Variants in GRID2 observed in about 807,000 individuals in gnomAD.
GRID2 encodes the protein glutamate receptor ionotropic, delta-2.
A neutral mutation model predicts 114.8 loss-of-function variants in GRID2; 33 were observed. The ratio of observed to expected loss-of-function variants is 0.29; its 90% confidence interval spans 0.22 to 0.38. The LOEUF (loss-of-function observed/expected upper bound fraction) is 0.38. Ranked by LOEUF, GRID2 falls within the 10% of genes least tolerant of loss-of-function variation. The pLI, the probability that GRID2 is intolerant of heterozygous loss-of-function variation, is 1.00. For missense variants in GRID2, 1,184 were observed against 1,257.7 expected, an observed-to-expected ratio of 0.94 and a Z score of 0.89; for synonymous variants, 505 against 449.9, an observed-to-expected ratio of 1.12 and a Z score of -1.55.
chr4:93,501,077 G>C (rs1166477735), intron 12 of GRID2, among the ~76,000 whole-genome samples: 1 of 151,868 alleles, frequency 6.6e-6, no homozygotes, highest in African/African-American at 2.4e-5. Flanking sequence ...AGTACTTAGT[G>C]GGTTACAAGT....
chr4:92,466,567 C>A (rs1560649641), intron 1 of GRID2, among the ~76,000 whole-genome samples: 1 of 151,688 alleles, frequency 6.6e-6, no homozygotes, highest in East Asian at 1.9e-4. Context: ...TAAAAAAATT[C>A]TCTATCTATT....
chr4:92,761,132 G>A (rs1193520795), intron 2 of GRID2, among the ~76,000 whole-genome samples: 2 of 151,696 alleles, frequency 1.3e-5, no homozygotes, highest in African/African-American at 4.8e-5. Context: ...TAAGAAAAAG[G>A]TTTTCTGGGA....
At chr4:92,770,178 G>A (rs554644126) in intron 2 of GRID2, among the ~76,000 whole-genome samples, 7 of 152,250 alleles carry the variant, frequency 4.6e-5, no homozygotes, top group Non-Finnish European at 1.0e-4. Context: ...AATCTCTAAG[G>A]CAGGGGCAAA....
intron 2 of GRID2, among the ~76,000 whole-genome samples, chr4:92,684,276 C>T (rs1384730369): frequency 6.6e-6 from 1 of 151,876 alleles, no homozygotes; most frequent in Non-Finnish European, 1.5e-5. Flanking sequence ...TCCTTGGTTA[C>T]ACAGGGGGCC....
At chr4:92,335,222 T>TA (rs1403520543) in intron 1 of GRID2, among the ~76,000 whole-genome samples, 1 of 152,224 alleles carries the variant, frequency 6.6e-6, no homozygotes, top group African/African-American at 2.4e-5. Flanking sequence ...AAGAGTGGTA[T>TA]ATTACAAAGT....
chr4:92,659,626 G>A (rs914170285), intron 2 of GRID2, among the ~76,000 whole-genome samples: 3 of 151,248 alleles, frequency 2.0e-5, no homozygotes, highest in African/African-American at 7.3e-5. Flanking sequence ...CAATACTTTA[G>A]AAAACATAAT....
chr4:93,708,822 C>G (rs1728231535), intron 14 of GRID2, among the ~76,000 whole-genome samples: 1 of 151,524 alleles, frequency 6.6e-6, no homozygotes, highest in African/African-American at 2.4e-5. Flanking sequence ...TCTTTGATGG[C>G]ATATTTTAAT....
intron 13 of GRID2, among the ~76,000 whole-genome samples, chr4:93,625,143 G>A (rs1742585291): frequency 6.6e-6 from 1 of 152,188 alleles, no homozygotes; most frequent in African/African-American, 2.4e-5. Flanking sequence ...ATTTAGAATA[G>A]GGATCACATG....
At chr4:92,870,191 ACT>A (rs1412484782) in intron 2 of GRID2, among the ~76,000 whole-genome samples, 1 of 151,722 alleles carries the variant, frequency 6.6e-6, no homozygotes, top group Admixed American at 6.6e-5. Context: ...ACAGAGTGAG[ACT>A]CTGTCTCTAA....
At chr4:92,568,349 C>T (rs1039173316) in intron 1 of GRID2, among the ~76,000 whole-genome samples, 4 of 151,920 alleles carry the variant, frequency 2.6e-5, no homozygotes, top group Non-Finnish European at 5.9e-5. Flanking sequence ...ACAGGTGTGT[C>T]GAGATGCCAT....
chr4:92,383,912 T>C (rs892587910), intron 1 of GRID2, among the ~76,000 whole-genome samples: 1 of 151,970 alleles, frequency 6.6e-6, no homozygotes, highest in African/African-American at 2.4e-5. Flanking sequence ...TCTTATCCAC[T>C]CTTTGCTCCC....
At chr4:92,423,445 G>A (rs1355818368) in intron 1 of GRID2, among the ~76,000 whole-genome samples, 1 of 152,016 alleles carries the variant, frequency 6.6e-6, no homozygotes, top group Non-Finnish European at 1.5e-5. Flanking sequence ...TGGATATTGA[G>A]GTGTACATTT....
At chr4:93,665,166 A>G (rs1359825050) in intron 14 of GRID2, among the ~76,000 whole-genome samples, 2 of 152,072 alleles carry the variant, frequency 1.3e-5, no homozygotes, top group African/African-American at 4.8e-5. Context: ...CTGCTCTTCC[A>G]TAGGTATGTC....
rs571482753 is a variant in GRID2, at chr4:93,252,146, A to G, written c.1245+13656A>G. Among the ~76,000 whole-genome samples, 17 of 152,046 alleles carry G rather than the reference A, an allele frequency of 1.1e-4. No individual in the cohort carries two copies. The South Asian group carries it at 3.5e-3, about 32-fold the overall frequency. ...CATCATGAAATCTTTGCCCGTGCCT[A>G]TGTTCTGAATGGTATTGCCTAGCTT... On this transcript the variant is annotated intron_variant, in intron 8 of 15. Transcript: ENST00000282020.
At chr4:92,733,979 G>C (rs1736460649) in intron 2 of GRID2, among the ~76,000 whole-genome samples, 1 of 152,056 alleles carries the variant, frequency 6.6e-6, no homozygotes, top group African/African-American at 2.4e-5. Context: ...ATGTGTGAAA[G>C]GGAAGATCTA....
chr4:93,804,143 T>C (rs1233787639), intron 1 of GRID2, among the ~76,000 whole-genome samples: 1 of 152,112 alleles, frequency 6.6e-6, no homozygotes, highest in African/African-American at 2.4e-5. Context: ...GATCTAAAAC[T>C]AGGATGTAAA....
intron 14 of GRID2, among the ~76,000 whole-genome samples, chr4:93,741,159 CTATATATA>C (rs879839195): frequency 2.1e-5 from 1 of 47,186 alleles, no homozygotes; most frequent in Non-Finnish European, 3.4e-5. Flanking sequence ...ACCTGAGAAA[CTATATATA>C]TATATACATA....
intron 10 of GRID2, among the ~76,000 whole-genome samples, chr4:93,444,757 T>C (rs1193208409): frequency 2.0e-5 from 3 of 151,960 alleles, no homozygotes; most frequent in Admixed American, 2.0e-4. Flanking sequence ...TTTAGAAAGA[T>C]TGGGTAGGGA....
At chr4:93,423,725 T>G (rs1022515006) in intron 10 of GRID2, among the ~76,000 whole-genome samples, 1 of 152,140 alleles carries the variant, frequency 6.6e-6, no homozygotes. Flanking sequence ...GTTTAAAACC[T>G]CTATGTCCTT....
Sources: gnomAD v4.1 joint callset for allele counts (sites outside exome capture counted in the v4.1 genomes callset) on GRCh38, gnomAD v4.1.1 for gene constraint, MANE v1.5 for transcripts, NCBI Gene and HGNC (gene_info 2026-07-23, HGNC 2026-07-21) for gene names.